Variants in LPP observed in about 807,000 individuals in gnomAD.
LPP encodes the protein lipoma-preferred partner.
A neutral mutation model predicts 60.4 loss-of-function variants in LPP; 38 were observed. That is an observed-to-expected ratio of 0.63 (90% confidence interval 0.49 to 0.83). The LOEUF (loss-of-function observed/expected upper bound fraction) is 0.83. LPP is among the 40% of genes least tolerant of loss of function. The pLI is 0.00. For synonymous variants in LPP, 328 were observed against 290.8 expected (o/e 1.13, Z -1.30); for missense variants, 902 against 783.6 (o/e 1.15, Z -1.80).
chr3:188,630,999 C>A (rs1343660488), intron 7 of LPP, among the ~76,000 whole-genome samples: 1 of 151,992 alleles, frequency 6.6e-6, no homozygotes, highest in East Asian at 1.9e-4. Flanking sequence ...AAGAGGGGAA[C>A]AATAGACACT....
chr3:188,658,498 G>A (rs1580751363), intron 7 of LPP, among the ~76,000 whole-genome samples: 2 of 152,138 alleles, frequency 1.3e-5, no homozygotes, highest in East Asian at 1.9e-4. Flanking sequence ...CATACCCTCC[G>A]TGCTTCTCCT....
At chr3:188,787,344 A>G (rs1027781318) in intron 9 of LPP, among the ~76,000 whole-genome samples, 14 of 152,334 alleles carry the variant, frequency 9.2e-5, no homozygotes, top group African/African-American at 3.4e-4. Flanking sequence ...AAATTCCTAC[A>G]TTAACTGAAA....
chr3:188,245,322 A>G (rs1726524542), intron 2 of LPP, among the ~76,000 whole-genome samples: 1 of 152,166 alleles, frequency 6.6e-6, no homozygotes, highest in African/African-American at 2.4e-5. Flanking sequence ...CATGTTGGTC[A>G]TGCTGGTCTC....
chr3:188,850,598 A>T (rs1762468618), intron 9 of LPP, among the ~76,000 whole-genome samples: 2 of 152,170 alleles, frequency 1.3e-5, no homozygotes, highest in Admixed American at 1.3e-4. Flanking sequence ...TATAAATGTC[A>T]TTTACTTTGA....
chr3:188,250,743 T>A (rs1728905281), intron 2 of LPP, among the ~76,000 whole-genome samples: 1 of 104,506 alleles, frequency 9.6e-6, no homozygotes, highest in Non-Finnish European at 2.0e-5. Flanking sequence ...TCTTTCTTTC[T>A]TTCTTTCTTT....
At chr3:188,362,457 C>A (rs894156450) in intron 3 of LPP, among the ~76,000 whole-genome samples, 1 of 152,152 alleles carries the variant, frequency 6.6e-6, no homozygotes, top group African/African-American at 2.4e-5. Flanking sequence ...TACACCGTTG[C>A]CTTACTCTCA....
intron 2 of LPP, among the ~76,000 whole-genome samples, chr3:188,284,645 G>A (rs993672313): frequency 7.9e-5 from 12 of 152,206 alleles, no homozygotes; most frequent in Admixed American, 6.5e-4. Context: ...ATACGTGCAT[G>A]TGTGCATGAG....
intron 9 of LPP, among the ~76,000 whole-genome samples, chr3:188,823,086 TGTGAGCCAGAAAGGA>T (rs1422476630): frequency 1.3e-5 from 2 of 152,172 alleles, no homozygotes; most frequent in African/African-American, 2.4e-5. Context: ...CCAGCCAATC[TGTGAGCCAGAAAGGA>T]GTGAGCCAGT....
At chr3:188,191,216 C>G (rs1728088601) in intron 1 of LPP, among the ~76,000 whole-genome samples, 1 of 152,194 alleles carries the variant, frequency 6.6e-6, no homozygotes, top group Non-Finnish European at 1.5e-5. Context: ...GGCGACAGAG[C>G]AAGACTTTGT....
chr3:188,173,234 C>T (rs896019443), intron 1 of LPP, among the ~76,000 whole-genome samples: 3 of 152,192 alleles, frequency 2.0e-5, no homozygotes, highest in Non-Finnish European at 4.4e-5. Flanking sequence ...GGCGCGGTGG[C>T]TCATGCCTGT....
intron 9 of LPP, among the ~76,000 whole-genome samples, chr3:188,850,058 T>G (rs957700970): frequency 6.6e-6 from 1 of 152,344 alleles, no homozygotes; most frequent in Middle Eastern, 3.4e-3. Context: ...GCCCCAGAGA[T>G]AATGATTAAA....
In LPP at chr3:188,879,148, T is replaced by C. The variant is rs541800628; in HGVS notation, c.*4669T>C. 4.3e-6 allele frequency: 1 copy of C among 230,420 alleles called. No individual in the cohort carries two copies. Among genetic ancestry groups the C allele is most frequent in the East Asian group, 6.2e-5 (1 of 16,142 alleles). 14.3% of individuals were successfully genotyped at this position (230,420 alleles called of 1,614,324 possible). A position where few individuals can be genotyped will look rare whatever the true frequency, so the allele number is the denominator to read the frequency against. ...TGACAGATAACTAGAATGAAACTTT[T>C]CTCATGAGGCTGTTGTTTGGTTAGC... On this transcript the variant is annotated 3_prime_UTR_variant, in exon 12 of 12. Transcript: ENST00000617246.
intron 4 of LPP, among the ~76,000 whole-genome samples, chr3:188,478,882 T>C (rs1208473813): frequency 6.6e-6 from 1 of 152,002 alleles, no homozygotes; most frequent in African/African-American, 2.4e-5. Flanking sequence ...GCATCCTGAG[T>C]AGCTGGGATT....
At chr3:188,676,927 G>T (rs1482262625) in intron 7 of LPP, among the ~76,000 whole-genome samples, 1 of 152,158 alleles carries the variant, frequency 6.6e-6, no homozygotes. Flanking sequence ...ACCCTTGTAG[G>T]CTTTAAAGAA....
At chr3:188,510,812 C>T (rs1411593030) in intron 5 of LPP, among the ~76,000 whole-genome samples, 1 of 152,186 alleles carries the variant, frequency 6.6e-6, no homozygotes, top group Non-Finnish European at 1.5e-5. Flanking sequence ...TACTTGTTCT[C>T]CATTTAAGGC....
rs373278427 is a variant in LPP, at chr3:188,746,869, G to A, written c.1241-13244G>A. ...CCAGTTTTCTCATTTGTTTCATTTT[G>A]TAACTTTTATAATGTGTCAATAAGT... On this transcript the variant is annotated intron_variant, in intron 8 of 11. Coordinates refer to ENST00000617246, the MANE Select transcript of LPP (RefSeq NM_001375462.1). 3.9e-5 allele frequency among the ~76,000 whole-genome samples: 6 copies of A among 152,192 alleles called. No homozygotes were observed. In the East Asian group the frequency reaches 1.2e-3, roughly 29 times the overall value.
chr3:188,495,347 G>A lies in LPP; in HGVS notation c.306+10643G>A, dbSNP rs1809881738. Among the ~76,000 whole-genome samples, 3 of 150,114 alleles carry A rather than the reference G, an allele frequency of 2.0e-5. No homozygotes were observed. In the South Asian group the frequency reaches 6.3e-4, roughly 31 times the overall value. ...AAATATCACTTCTTTGTAATTTCAT[G>A]GTGATTTATAATTTGCAAAATACAT... On this transcript the variant is annotated intron_variant, in intron 5 of 11. Coordinates refer to ENST00000617246, the MANE Select transcript of LPP (RefSeq NM_001375462.1).
intron 5 of LPP, among the ~76,000 whole-genome samples, chr3:188,500,505 C>CAA (rs1405933727): frequency 1.3e-5 from 2 of 152,026 alleles, no homozygotes; most frequent in South Asian, 2.1e-4. Context: ...GATTTTGCAT[C>CAA]AATGTTTATT....
chr3:188,746,576 C>T, intron 8 of LPP: 1 of 479,428 alleles, frequency 2.1e-6, no homozygotes, highest in Non-Finnish European at 4.2e-6. Context: ...ATCTCTTGCC[C>T]AAGACAGAAC....
Sources: allele counts gnomAD v4.1 joint callset (sites outside exome capture counted in the v4.1 genomes callset), GRCh38; gene constraint gnomAD v4.1.1; transcripts MANE v1.5; gene names NCBI Gene and HGNC (gene_info 2026-07-23, HGNC 2026-07-21).